SIPA1L1: variants seen among roughly 807,000 people sequenced by gnomAD.
SIPA1L1 encodes signal-induced proliferation-associated 1-like protein 1.
A neutral mutation model predicts 162.7 loss-of-function variants in SIPA1L1; 26 were observed. The observed-to-expected ratio is 0.16, with a 90% CI of 0.12 to 0.22. The LOEUF (loss-of-function observed/expected upper bound fraction) is 0.22, where lower values mean the gene tolerates loss of function less well. Among genes scored for constraint, SIPA1L1 ranks in the 10% least tolerant of loss-of-function variants. The pLI is 1.00. For missense variants in SIPA1L1, 1,874 were observed against 2,241.0 expected, an observed-to-expected ratio of 0.84 and a Z score of 3.31; for synonymous variants, 829 against 837.4, an observed-to-expected ratio of 0.99 and a Z score of 0.17.
chr14:71,355,828 T>A (rs1430028580), intron 2 of SIPA1L1, among the ~76,000 whole-genome samples: 1 of 152,252 alleles, frequency 6.6e-6, no homozygotes, highest in African/African-American at 2.4e-5. Context: ...CTTTTCAATC[T>A]CAGCTCTTGT....
intron 2 of SIPA1L1, among the ~76,000 whole-genome samples, chr14:71,326,283 A>T (rs1406002577): frequency 6.7e-6 from 1 of 149,760 alleles, no homozygotes; most frequent in Non-Finnish European, 1.5e-5. Flanking sequence ...ACCTCGGCTC[A>T]CTACAACCTC....
chr14:71,346,157 C>T (rs1025509472), intron 2 of SIPA1L1, among the ~76,000 whole-genome samples: 15 of 152,258 alleles, frequency 9.9e-5, no homozygotes, highest in African/African-American at 2.6e-4. Flanking sequence ...CTGCCTGCCT[C>T]GGCTTCCCAA....
At chr14:71,677,085 C>T (rs1011332549) in intron 12 of SIPA1L1, among the ~76,000 whole-genome samples, 1 of 152,226 alleles carries the variant, frequency 6.6e-6, no homozygotes, top group Non-Finnish European at 1.5e-5. Context: ...TTTACACTCC[C>T]ACCAACAGTG....
intron 10 of SIPA1L1, among the ~76,000 whole-genome samples, chr14:71,669,039 C>T (rs2044275732): frequency 6.6e-6 from 1 of 152,112 alleles, no homozygotes. Flanking sequence ...TTGTAGAAAC[C>T]TTGCCAGTTT....
chr14:71,679,154 A>ATG (rs2045528988), intron 12 of SIPA1L1, among the ~76,000 whole-genome samples: 1 of 152,230 alleles, frequency 6.6e-6, no homozygotes, highest in South Asian at 2.1e-4. Context: ...CAAAGTTGAA[A>ATG]TGAAGGAAAA....
At chr14:71,729,327 C>T (rs567616817) in intron 19 of SIPA1L1, among the ~76,000 whole-genome samples, 10 of 152,288 alleles carry the variant, frequency 6.6e-5, no homozygotes, top group South Asian at 4.1e-4. Flanking sequence ...TGAGCCACCG[C>T]GCCCAGCCTA....
At chr14:71,706,903 C>G (rs2082480641) in intron 16 of SIPA1L1, among the ~76,000 whole-genome samples, 1 of 151,872 alleles carries the variant, frequency 6.6e-6, no homozygotes, top group Admixed American at 6.6e-5. Flanking sequence ...TGTGGTGGCA[C>G]ACACCTGTAG....
At chr14:71,407,051 G>A (rs2042073521) in intron 2 of SIPA1L1, among the ~76,000 whole-genome samples, 2 of 152,112 alleles carry the variant, frequency 1.3e-5, no homozygotes, top group African/African-American at 2.4e-5. Context: ...AGACCAGCCT[G>A]GCCAAAATGG....
intron 2 of SIPA1L1, among the ~76,000 whole-genome samples, chr14:71,434,973 C>T (rs1749705250): frequency 6.6e-6 from 1 of 152,122 alleles, no homozygotes; most frequent in Admixed American, 6.5e-5. Flanking sequence ...TACCTAGTCT[C>T]TTAATAATGG....
chr14:71,538,542 CT>C (rs2145663541), intron 4 of SIPA1L1, among the ~76,000 whole-genome samples: 1 of 152,338 alleles, frequency 6.6e-6, no homozygotes, highest in African/African-American at 2.4e-5. Flanking sequence ...TTTCAGATCT[CT>C]CTGTCCTTAT....
intron 2 of SIPA1L1, among the ~76,000 whole-genome samples, chr14:71,505,460 G>A (rs1262687113): frequency 8.0e-6 from 1 of 125,612 alleles, no homozygotes; most frequent in South Asian, 2.5e-4. Flanking sequence ...ATAGGTTTTT[G>A]TCTCTGTGTC....
chr14:71,442,416 T>A (rs990502602), intron 2 of SIPA1L1, among the ~76,000 whole-genome samples: 1 of 152,058 alleles, frequency 6.6e-6, no homozygotes, highest in Non-Finnish European at 1.5e-5. Flanking sequence ...GTAATGAGAT[T>A]TTTCCCCTGG....
intron 2 of SIPA1L1, among the ~76,000 whole-genome samples, chr14:71,332,480 T>C (rs1450876782): frequency 6.6e-6 from 1 of 152,188 alleles, no homozygotes; most frequent in Non-Finnish European, 1.5e-5. Context: ...AACAGTCAAC[T>C]GCATTTTGGT....
At chr14:71,540,915 T>G (rs947585638) in intron 4 of SIPA1L1, among the ~76,000 whole-genome samples, 13 of 151,998 alleles carry the variant, frequency 8.6e-5, no homozygotes, top group African/African-American at 2.9e-4. Flanking sequence ...TTGCCTGAGG[T>G]CAGGAGTTTG....
At position 71,671,730 on chromosome 14, in the gene SIPA1L1, C is replaced by T. The variant is rs745411993; in HGVS notation, c.2829+38C>T. 2.7e-6 allele frequency: 4 copies of T among 1,493,040 alleles called. No individual in the cohort carries two copies. The South Asian group carries it at 3.9e-5, about 15-fold the overall frequency. 92.5% of individuals were successfully genotyped at this position (1,493,040 alleles called of 1,614,324 possible). On this transcript the variant is annotated intron_variant, in intron 11 of 23. Coordinates refer to ENST00000381232, the MANE Select transcript of SIPA1L1 (RefSeq NM_001386936.1). The stretch of plus-strand genomic sequence containing the variant: ...TTCCTCTTCCTTACATGCAGTTTCT[C>T]TTTCATAAAGTTTTCAATACAGACT...
chr14:71,390,313 G>C (rs2040640755), intron 2 of SIPA1L1, among the ~76,000 whole-genome samples: 1 of 152,126 alleles, frequency 6.6e-6, no homozygotes, highest in African/African-American at 2.4e-5. Flanking sequence ...CCACAACCCA[G>C]CAGCAACTGC....
At chr14:71,597,370 T>C (rs1208143735) in intron 5 of SIPA1L1, among the ~76,000 whole-genome samples, 1 of 152,146 alleles carries the variant, frequency 6.6e-6, no homozygotes, top group Non-Finnish European at 1.5e-5. Flanking sequence ...TCTAAGTTCT[T>C]TTTCTTGAGT....
chr14:71,643,928 C>T (rs2148963825), intron 7 of SIPA1L1, among the ~76,000 whole-genome samples: 1 of 151,898 alleles, frequency 6.6e-6, no homozygotes, highest in Non-Finnish European at 1.5e-5. Flanking sequence ...ATGCCTCAGC[C>T]TCCTAAGTAG....
At chr14:71,423,338 A>G (rs371821236) in intron 2 of SIPA1L1, among the ~76,000 whole-genome samples, 50 of 152,206 alleles carry the variant, frequency 3.3e-4, no homozygotes, top group Admixed American at 1.1e-3. Context: ...ATGAAGTCCA[A>G]TTTATCTGTT....
Sources: gnomAD v4.1 joint callset for allele counts (sites outside exome capture counted in the v4.1 genomes callset) on GRCh38, gnomAD v4.1.1 for gene constraint, MANE v1.5 for transcripts, NCBI Gene and HGNC (gene_info 2026-07-23, HGNC 2026-07-21) for gene names.